The following OCA2 variants were observed in gnomAD, a reference collection of about 807,000 sequenced individuals.
OCA2 encodes the protein OCA2 melanosomal transmembrane protein.
Under a neutral mutation model 100.2 loss-of-function variants are expected in OCA2, and 77 were observed. That is an observed-to-expected ratio of 0.77 (90% CI 0.64 to 0.93). OCA2 has a LOEUF of 0.93. Among genes scored for constraint, OCA2 ranks in the 40% least tolerant of loss-of-function variants. The pLI is 0.00. For missense variants in OCA2, 1,062 were observed against 1,089.1 expected (o/e 0.98, Z 0.35); for synonymous variants, 432 against 439.2 (o/e 0.98, Z 0.21).
chr15:27,843,572 A>T (rs139436626), intron 23 of OCA2, among the ~76,000 whole-genome samples: 36 of 152,216 alleles, frequency 2.4e-4, no homozygotes, highest in African/African-American at 8.2e-4. Flanking sequence ...TAAGTTCTGA[A>T]CCCTGTCCCT....
chr15:27,882,293 A>G (rs1334415346), intron 19 of OCA2, among the ~76,000 whole-genome samples: 1 of 152,174 alleles, frequency 6.6e-6, no homozygotes. Context: ...ACACTGATCT[A>G]TTTCAGTTCA....
intron 23 of OCA2, among the ~76,000 whole-genome samples, chr15:27,765,043 C>T (rs1345377021): frequency 5.9e-5 from 9 of 152,224 alleles, no homozygotes; most frequent in Non-Finnish European, 1.5e-5. Context: ...GGGTTCCTCC[C>T]ATTTTTAGAC....
intron 23 of OCA2, among the ~76,000 whole-genome samples, chr15:27,764,733 G>A (rs1360296117): frequency 6.6e-6 from 1 of 152,134 alleles, no homozygotes; most frequent in Non-Finnish European, 1.5e-5. Flanking sequence ...AAGAATATCA[G>A]GTCCTGGGAA....
At chr15:27,858,242 T>C (rs142306097) in intron 21 of OCA2, among the ~76,000 whole-genome samples, 4,063 of 152,092 alleles carry the variant, frequency 0.027, 80 homozygotes, top group Non-Finnish European at 0.039. Context: ...GGTGTGGTGG[T>C]GGGCACCTGT....
At chr15:28,094,633 C>T (rs2044934798) in intron 1 of OCA2, among the ~76,000 whole-genome samples, 1 of 152,258 alleles carries the variant, frequency 6.6e-6, no homozygotes, top group African/African-American at 2.4e-5. Context: ...CCAAATCGTT[C>T]GTGTGGGCTA....
At chr15:27,880,701 TTGTTTTTGTATCC>T (rs1306040793) in intron 19 of OCA2, among the ~76,000 whole-genome samples, 6 of 152,190 alleles carry the variant, frequency 3.9e-5, no homozygotes, top group Non-Finnish European at 7.3e-5. Flanking sequence ...TTCTTGCACA[TTGTTTTTGTATCC>T]TGAGACTTTG....
intron 23 of OCA2, among the ~76,000 whole-genome samples, chr15:27,772,318 T>C (rs1002028796): frequency 6.6e-6 from 1 of 152,266 alleles, no homozygotes; most frequent in Admixed American, 6.5e-5. Context: ...CTGCAAATTC[T>C]ATTACTACTA....
At chr15:27,763,445 G>A (rs1229900702) in intron 23 of OCA2, among the ~76,000 whole-genome samples, 5 of 152,160 alleles carry the variant, frequency 3.3e-5, no homozygotes, top group African/African-American at 1.2e-4. Flanking sequence ...AAACTCAGTG[G>A]TACAAACACT....
At chr15:28,051,674 A>T (rs1289237395) in intron 2 of OCA2, among the ~76,000 whole-genome samples, 1 of 130,360 alleles carries the variant, frequency 7.7e-6, no homozygotes, top group African/African-American at 3.1e-5. Flanking sequence ...GTGGCTATTC[A>T]TTCAGAGGCC....
In OCA2 at chr15:28,082,139, C is replaced by G. The variant is rs572466542; in HGVS notation, c.-21-244G>C. 1.2e-3 allele frequency among the ~76,000 whole-genome samples: 176 copies of G among 152,308 alleles called. 2 individuals are homozygous for G. The highest frequency in any genetic ancestry group is 4.2e-3 in the African/African-American group (173 of 41,568). On this transcript the variant is annotated intron_variant, in intron 1 of 23. Coordinates refer to ENST00000354638, the MANE Select transcript of OCA2 (RefSeq NM_000275.3). ...GATTGTAAATGCACCAATCAGCACT[C>G]TGTGTCTAGCTAGAGGATTGTAAAT...
intron 23 of OCA2, among the ~76,000 whole-genome samples, chr15:27,788,999 C>T (rs1307765074): frequency 6.6e-6 from 1 of 152,114 alleles, no homozygotes; most frequent in East Asian, 1.9e-4. Context: ...GTGGCCCATT[C>T]TTTCCCTCCT....
chr15:28,073,275 G>A (rs556223083), intron 2 of OCA2, among the ~76,000 whole-genome samples: 34 of 152,280 alleles, frequency 2.2e-4, no homozygotes, highest in South Asian at 8.3e-4. Context: ...TTAGCTGGGC[G>A]TGGTGGCGAG....
intron 23 of OCA2, among the ~76,000 whole-genome samples, chr15:27,823,113 C>T (rs945817754): frequency 1.1e-4 from 17 of 152,212 alleles, no homozygotes; most frequent in African/African-American, 2.4e-4. Flanking sequence ...AAATAAAATT[C>T]GTTGATACTG....
At chr15:27,797,545 C>T (rs1054795229) in intron 23 of OCA2, among the ~76,000 whole-genome samples, 3 of 104,646 alleles carry the variant, frequency 2.9e-5, no homozygotes, top group East Asian at 2.6e-4. Context: ...TTCACATTAA[C>T]GGAGACTATT....
At chr15:27,848,283 G>C (rs1289324143) in intron 22 of OCA2, among the ~76,000 whole-genome samples, 1 of 152,204 alleles carries the variant, frequency 6.6e-6, no homozygotes, top group Non-Finnish European at 1.5e-5. Context: ...GTGTTTATGA[G>C]GACCATCACC....
intron 9 of OCA2, among the ~76,000 whole-genome samples, chr15:27,999,865 A>G (rs538569303): frequency 6.6e-6 from 1 of 152,324 alleles, no homozygotes; most frequent in African/African-American, 2.4e-5. Context: ...AATCCCATCT[A>G]TAATAGCATC....
At chr15:27,822,609 C>T (rs185750454) in intron 23 of OCA2, among the ~76,000 whole-genome samples, 16 of 152,232 alleles carry the variant, frequency 1.1e-4, no homozygotes, top group African/African-American at 2.9e-4. Flanking sequence ...TGTAAAATGG[C>T]GCTGTGGTTT....
At position 28,074,436 on chromosome 15, in the gene OCA2, A is replaced by G. The variant is rs983841969; in HGVS notation, c.227+7212T>C. On this transcript the variant is annotated intron_variant, in intron 2 of 23. Coordinates refer to ENST00000354638, the MANE Select transcript of OCA2 (RefSeq NM_000275.3). ...ACGCCTGTAATCCCAGCACTTTGGGAGGCCGAGGCGGGCGGATCACGAGGT... is the reference window on the plus strand; with the variant it reads ...ACGCCTGTAATCCCAGCACTTTGGGGGGCCGAGGCGGGCGGATCACGAGGT... 9.2e-5 allele frequency among the ~76,000 whole-genome samples: 14 copies of G among 152,112 alleles called. No homozygotes were observed. The South Asian group carries it at 1.2e-3, about 14-fold the overall frequency.
chr15:27,923,274 C>T (rs1422770773), intron 19 of OCA2, among the ~76,000 whole-genome samples: 1 of 152,178 alleles, frequency 6.6e-6, no homozygotes, highest in Non-Finnish European at 1.5e-5. Flanking sequence ...AGATCAATTC[C>T]ATATCTTTGC....
Sources: gnomAD v4.1 joint callset for allele counts (sites outside exome capture counted in the v4.1 genomes callset) on GRCh38, gnomAD v4.1.1 for gene constraint, MANE v1.5 for transcripts, NCBI Gene and HGNC (gene_info 2026-07-23, HGNC 2026-07-21) for gene names.